Variants in BANK1 observed in about 807,000 individuals in gnomAD.
The protein encoded by BANK1 is B cell scaffold protein with ankyrin repeats 1.
A neutral mutation model predicts 94.5 loss-of-function variants in BANK1; 95 were observed. The observed-to-expected ratio is 1.00, with a 90% CI of 0.85 to 1.19. BANK1 has a LOEUF of 1.19. BANK1 is among the 50% of genes most tolerant of loss of function. BANK1 has a pLI of 0.00. For synonymous variants in BANK1, 334 were observed against 308.4 expected, an observed-to-expected ratio of 1.08 and a Z score of -0.87; for missense variants, 987 against 932.2, an observed-to-expected ratio of 1.06 and a Z score of -0.77.
At chr4:101,983,794 G>A (rs1725396438) in intron 7 of BANK1, among the ~76,000 whole-genome samples, 1 of 152,058 alleles carries the variant, frequency 6.6e-6, no homozygotes, top group African/African-American at 2.4e-5. Context: ...GTGCTTCAAA[G>A]CCTCCCCAAA....
At chr4:101,792,134 C>G (rs1477423442) in intron 1 of BANK1, among the ~76,000 whole-genome samples, 2 of 152,032 alleles carry the variant, frequency 1.3e-5, no homozygotes, top group Non-Finnish European at 2.9e-5. Flanking sequence ...CAGAAAATGC[C>G]TTTTATTTCA....
chr4:101,966,800 C>T (rs764132062), intron 7 of BANK1, among the ~76,000 whole-genome samples: 2 of 152,014 alleles, frequency 1.3e-5, no homozygotes, highest in Non-Finnish European at 2.9e-5. Flanking sequence ...CCATAGTCAG[C>T]TCAGGAAGCA....
chr4:102,038,775 T>C (rs1311327822), intron 10 of BANK1, among the ~76,000 whole-genome samples: 1 of 152,188 alleles, frequency 6.6e-6, no homozygotes, highest in African/African-American at 2.4e-5. Flanking sequence ...AAACAATTTG[T>C]GTTCTACTCT....
At chr4:101,908,472 A>G (rs1388076638) in intron 6 of BANK1, among the ~76,000 whole-genome samples, 1 of 152,208 alleles carries the variant, frequency 6.6e-6, no homozygotes, top group Non-Finnish European at 1.5e-5. Flanking sequence ...AACCTAAGCA[A>G]TACCATTCAG....
Position 101,929,787 on chromosome 4 carries a change from G to C in BANK1, c.1206+11598G>C, listed in dbSNP as rs1473652982. Among the ~76,000 whole-genome samples the C allele has an allele frequency of 4.6e-5, 7 of 151,282 alleles. 1 individual carries two copies. The East Asian group carries it at 1.4e-3, about 30-fold the overall frequency. On this transcript the variant is annotated intron_variant, in intron 7 of 16. Transcript: ENST00000322953. ...TTATATTGTATTAATAGTTTGTTGG[G>C]GGGGGACTAAAAATGAATAAACACA...
rs1329017074 is a variant in BANK1, at chr4:101,853,665, TTGA to T, written c.470-1369_470-1367del. ...CAAGAAGCAGGCGTAATTTTATGAT[TTGA>T]CATATTAATGGAATATTAATGACTC... On this transcript the variant is annotated intron_variant, in intron 2 of 16. Transcript: ENST00000322953. Among the ~76,000 whole-genome samples the T allele has an allele frequency of 6.6e-5, 10 of 152,266 alleles. No homozygotes were observed. The East Asian group carries it at 1.9e-3, about 29-fold the overall frequency.
chr4:101,862,473 G>C, intron 3 of BANK1, 53 bp from the exon 4 acceptor site: 1 of 1,463,436 alleles, frequency 6.8e-7, no homozygotes, highest in South Asian at 1.3e-5. Context: ...TGGGTTCTTT[G>C]GTTAATGTAA....
At chr4:101,897,535 A>G (rs895468462) in intron 6 of BANK1, among the ~76,000 whole-genome samples, 9 of 151,988 alleles carry the variant, frequency 5.9e-5, no homozygotes, top group African/African-American at 2.2e-4. Context: ...CTGGTTCAGC[A>G]GGGCTGGGGT....
At position 101,866,928 on chromosome 4, in the gene BANK1, C is replaced by A. The variant is rs573704085; in HGVS notation, c.764-3577C>A. Among the ~76,000 whole-genome samples the A allele has an allele frequency of 4.6e-5, 3 of 65,736 alleles. 1 individual carries two copies. Among genetic ancestry groups the A allele is most frequent in the Non-Finnish European group, 8.2e-5 (3 of 36,568 alleles). The allele number at this position is 65,736 out of a possible 152,430, so 43.1% of individuals were successfully genotyped here. A position where few individuals can be genotyped will look rare whatever the true frequency, so the allele number is the denominator to read the frequency against. On this transcript the variant is annotated intron_variant, in intron 4 of 16. Transcript: ENST00000322953. ...ACTATCGCAAGAACAAAAAACCAAACGCCGCATATTCTCACTCATAGGTGG... is the reference window on the plus strand; with the variant it reads ...ACTATCGCAAGAACAAAAAACCAAAAGCCGCATATTCTCACTCATAGGTGG...
At chr4:101,953,112 G>A (rs956979947) in intron 7 of BANK1, among the ~76,000 whole-genome samples, 5 of 152,100 alleles carry the variant, frequency 3.3e-5, no homozygotes, top group Non-Finnish European at 7.4e-5. Flanking sequence ...CCAAGGCTGA[G>A]ATGATGGAAA....
At chr4:102,029,529 AAAT>A (rs1727214641) in intron 9 of BANK1, among the ~76,000 whole-genome samples, 2 of 148,222 alleles carry the variant, frequency 1.3e-5, no homozygotes, top group South Asian at 4.2e-4. Context: ...ATAATATATA[AAAT>A]AATATATAAA....
At chr4:102,068,831 A>G (rs1728672785) in intron 13 of BANK1, among the ~76,000 whole-genome samples, 1 of 151,872 alleles carries the variant, frequency 6.6e-6, no homozygotes, top group African/African-American at 2.4e-5. Flanking sequence ...CCATCTCAAA[A>G]AAAAAAAAAA....
At chr4:101,892,105 T>C (rs2148889779) in intron 5 of BANK1, among the ~76,000 whole-genome samples, 1 of 151,786 alleles carries the variant, frequency 6.6e-6, no homozygotes, top group East Asian at 1.9e-4. Flanking sequence ...TATTTGTATT[T>C]AGGGAGAGGA....
chr4:101,947,313 GTATA>G (rs1276439794), intron 7 of BANK1, among the ~76,000 whole-genome samples: 354 of 24,404 alleles, frequency 0.015, 8 homozygotes, highest in African/African-American at 0.026. Context: ...ATATATATAT[GTATA>G]TGTATTATGT....
intron 13 of BANK1, among the ~76,000 whole-genome samples, chr4:102,065,566 T>A (rs1408296981): frequency 6.6e-6 from 1 of 152,004 alleles, no homozygotes; most frequent in Non-Finnish European, 1.5e-5. Context: ...ACTGTAATCT[T>A]AATGAAGAAA....
chr4:102,028,066 T>C (rs1560695559), intron 9 of BANK1, among the ~76,000 whole-genome samples: 2 of 152,216 alleles, frequency 1.3e-5, no homozygotes, highest in Non-Finnish European at 2.9e-5. Flanking sequence ...AAAAGTATTA[T>C]CTGATACTTT....
At chr4:101,819,871 G>T (rs1268139083) in intron 1 of BANK1, among the ~76,000 whole-genome samples, 1 of 152,142 alleles carries the variant, frequency 6.6e-6, no homozygotes, top group African/African-American at 2.4e-5. Flanking sequence ...TCCTATTTGT[G>T]TATCATCTGT....
chr4:101,960,200 A>G (rs1427910865), intron 7 of BANK1, among the ~76,000 whole-genome samples: 1 of 152,170 alleles, frequency 6.6e-6, no homozygotes, highest in Non-Finnish European at 1.5e-5. Context: ...GAATTTATTA[A>G]GGGACCCCTG....
At chr4:102,042,683 G>A (rs1727739852) in intron 10 of BANK1, among the ~76,000 whole-genome samples, 2 of 151,896 alleles carry the variant, frequency 1.3e-5, no homozygotes, top group African/African-American at 4.8e-5. Context: ...CAATCACAGT[G>A]GTCCAGCACC....
Sources: allele counts gnomAD v4.1 joint callset (sites outside exome capture counted in the v4.1 genomes callset), GRCh38; gene constraint gnomAD v4.1.1; transcripts MANE v1.5; gene names NCBI Gene and HGNC (gene_info 2026-07-23, HGNC 2026-07-21).